The following ATRNL1 variants were observed in gnomAD, a reference collection of about 807,000 sequenced individuals.
The protein encoded by ATRNL1 is attractin like 1.
In ATRNL1, 95 loss-of-function variants were observed where a neutral mutation model predicts 182.7. The ratio of observed to expected loss-of-function variants is 0.52; its 90% CI spans 0.44 to 0.62. The LOEUF is 0.62. ATRNL1 is among the 20% of genes least tolerant of loss of function. The probability of loss-of-function intolerance (pLI) is 0.00; values close to 1 mark genes in which losing one functional copy is unlikely to be tolerated. For missense variants in ATRNL1, 1,471 were observed against 1,679.5 expected (o/e 0.88, Z 2.17); for synonymous variants, 576 against 568.3 (o/e 1.01, Z -0.19).
chr10:115,586,143 C>T (rs1855491662), intron 26 of ATRNL1, among the ~76,000 whole-genome samples: 1 of 8,308 alleles, frequency 1.2e-4, no homozygotes, highest in African/African-American at 1.4e-4. Flanking sequence ...TGATGGGCTT[C>T]CCTTTGAGGG....
intron 27 of ATRNL1, among the ~76,000 whole-genome samples, chr10:115,792,710 GT>G (rs1461085122): frequency 4.6e-5 from 7 of 152,010 alleles, no homozygotes; most frequent in African/African-American, 1.4e-4. Context: ...TTTTTCTTTA[GT>G]TTTTTCATTT....
chr10:115,099,892 A>T (rs1381926350), intron 1 of ATRNL1, among the ~76,000 whole-genome samples: 1 of 152,232 alleles, frequency 6.6e-6, no homozygotes, highest in East Asian at 1.9e-4. Flanking sequence ...AACAATGCAA[A>T]GAGAATGAAA....
intron 28 of ATRNL1, among the ~76,000 whole-genome samples, chr10:115,925,589 GA>G (rs202007097): frequency 3.6e-4 from 52 of 144,328 alleles, no homozygotes; most frequent in African/African-American, 9.4e-4. Context: ...TGGAAAGAAA[GA>G]AAAAAAAAAG....
intron 20 of ATRNL1, among the ~76,000 whole-genome samples, chr10:115,400,278 C>T (rs778010415): frequency 3.0e-4 from 45 of 151,962 alleles, no homozygotes; most frequent in Admixed American, 5.3e-4. Context: ...AAATGTAAAA[C>T]TATATAATTT....
chr10:115,746,214 G>C (rs12244147), intron 27 of ATRNL1, among the ~76,000 whole-genome samples: 3,555 of 151,938 alleles, frequency 0.023, 124 homozygotes, highest in African/African-American at 0.081. Flanking sequence ...CAAATCCCAG[G>C]CATCAAAGAT....
intron 7 of ATRNL1, among the ~76,000 whole-genome samples, chr10:115,169,456 G>A (rs1422787594): frequency 6.6e-6 from 1 of 151,914 alleles, no homozygotes; most frequent in South Asian, 2.1e-4. Flanking sequence ...TGATCCACTC[G>A]CCTCGGACTT....
chr10:115,189,874 C>G (rs924996203), intron 8 of ATRNL1, among the ~76,000 whole-genome samples: 10 of 152,126 alleles, frequency 6.6e-5, no homozygotes, highest in African/African-American at 2.4e-4. Context: ...GAGCAACTTC[C>G]AGTCCTGCAA....
rs111279206 is a variant in ATRNL1, at chr10:115,501,088, A to T, written c.3655-18175A>T. On this transcript the variant is annotated intron_variant, in intron 24 of 28. Transcript: ENST00000355044. ...GCTGAGATTACAGGCACCCACCACC[A>T]TGCCTGGCTTATTTTTGTATTGTTT... is the stretch of plus-strand genomic sequence containing the variant. Among the ~76,000 whole-genome samples, 496 of 151,660 alleles carry T rather than the reference A, an allele frequency of 3.3e-3. 3 individuals carry two copies. The highest frequency in any genetic ancestry group is 0.012 in the African/African-American group (479 of 41,368).
At chr10:115,854,274 T>C (rs1391060146) in intron 28 of ATRNL1, among the ~76,000 whole-genome samples, 1 of 152,326 alleles carries the variant, frequency 6.6e-6, no homozygotes, top group South Asian at 2.1e-4. Context: ...AATTCTCGCA[T>C]CTCTGTAGTG....
chr10:115,742,592 C>G (rs1453025026), intron 27 of ATRNL1, among the ~76,000 whole-genome samples: 1 of 152,106 alleles, frequency 6.6e-6, no homozygotes, highest in Non-Finnish European at 1.5e-5. Context: ...TCACTCTATT[C>G]TTCATTTTCT....
chr10:115,690,170 G>A (rs542747258), intron 26 of ATRNL1, among the ~76,000 whole-genome samples: 3 of 152,090 alleles, frequency 2.0e-5, no homozygotes, highest in South Asian at 2.1e-4. Flanking sequence ...CGGATGGTGC[G>A]CTGTACCATC....
Position 115,862,178 on chromosome 10 carries a change from C to A in ATRNL1, c.4018+14187C>A, listed in dbSNP as rs181944254. On this transcript the variant is annotated intron_variant, in intron 28 of 28. Coordinates refer to ENST00000355044, the MANE Select transcript of ATRNL1 (RefSeq NM_207303.4). ...GTTGTTCTTTAAGACTGAAATTTTT[C>A]AAGCACTTTGAAAGTCTCTTTTTAA... Among the ~76,000 whole-genome samples, 38 of 152,252 alleles carry A rather than the reference C, an allele frequency of 2.5e-4. 1 individual carries two copies. The East Asian group carries it at 7.1e-3, about 29-fold the overall frequency.
At chr10:115,719,860 T>TG in intron 26 of ATRNL1, among the ~76,000 whole-genome samples, 1 of 124,638 alleles carries the variant, frequency 8.0e-6, no homozygotes, top group Admixed American at 9.7e-5. Flanking sequence ...CCCCACACAC[T>TG]CTTTTTTTTT....
intron 26 of ATRNL1, among the ~76,000 whole-genome samples, chr10:115,616,842 C>G (rs1565216465): frequency 6.6e-6 from 1 of 152,196 alleles, no homozygotes; most frequent in Non-Finnish European, 1.5e-5. Context: ...TGTGAGAAAG[C>G]CTGGATGGCC....
chr10:115,213,789 A>G (rs1281091951), intron 8 of ATRNL1, among the ~76,000 whole-genome samples: 1 of 152,156 alleles, frequency 6.6e-6, no homozygotes, highest in African/African-American at 2.4e-5. Flanking sequence ...ATAATGAGAT[A>G]GTTACTGAGA....
chr10:115,843,962 A>G (rs1325970571), intron 27 of ATRNL1, among the ~76,000 whole-genome samples: 1 of 152,106 alleles, frequency 6.6e-6, no homozygotes, highest in African/African-American at 2.4e-5. Context: ...TTGAACTCTT[A>G]GACCTTCAGT....
intron 21 of ATRNL1, among the ~76,000 whole-genome samples, chr10:115,443,304 T>G (rs1846789031): frequency 6.6e-6 from 1 of 152,052 alleles, no homozygotes; most frequent in South Asian, 2.1e-4. Flanking sequence ...CACCTGTTTC[T>G]TTTGATTAGC....
intron 9 of ATRNL1, 145 bp from the exon 10 acceptor site, chr10:115,241,426 A>G (rs1554902812): frequency 2.2e-6 from 1 of 452,622 alleles, no homozygotes; most frequent in East Asian, 3.2e-5. Context: ...TTTAGAGGTC[A>G]TTTATAAATT....
intron 28 of ATRNL1, among the ~76,000 whole-genome samples, chr10:115,884,214 T>C (rs1438024797): frequency 2.0e-5 from 3 of 152,348 alleles, no homozygotes; most frequent in African/African-American, 7.2e-5. Flanking sequence ...ATATTTCTTT[T>C]GGTAATCCAT....
Sources: allele counts gnomAD v4.1 joint callset (sites outside exome capture counted in the v4.1 genomes callset), GRCh38; gene constraint gnomAD v4.1.1; transcripts MANE v1.5; gene names NCBI Gene and HGNC (gene_info 2026-07-23, HGNC 2026-07-21).